Variants in FCRL6 observed in about 807,000 individuals in gnomAD.
The protein encoded by FCRL6 is Fc receptor-like protein 6.
A neutral mutation model predicts 49.1 loss-of-function variants in FCRL6; 50 were observed. The ratio of observed to expected loss-of-function variants is 1.02; its 90% CI spans 0.81 to 1.29. The LOEUF is 1.29. Ranked by LOEUF, FCRL6 falls within the 50% of genes most tolerant of loss-of-function variation. The pLI is 0.00. For missense variants in FCRL6, 571 were observed against 518.5 expected (o/e 1.10, Z -0.98); for synonymous variants, 213 against 199.6 (o/e 1.07, Z -0.57).
chr1:159,809,894 A>T (rs1340290768), intron 5 of FCRL6, among the ~76,000 whole-genome samples, 200 bp from the exon 6 acceptor site: 1 of 151,664 alleles, frequency 6.6e-6, no homozygotes, highest in Non-Finnish European at 1.5e-5. Context: ...TCACGGGGGG[A>T]GCAGTCACGT....
Position 159,808,609 on chromosome 1 carries a change from C to CA in FCRL6, c.319+165_319+166insA, listed in dbSNP as rs1557874043. On this transcript the variant is annotated intron_variant, in intron 3 of 9. Coordinates refer to ENST00000368106, the MANE Select transcript of FCRL6 (RefSeq NM_001004310.3). ...CCCAAGATGTTGTCTCAATACCCCCCTCTCCCCACCATGGGGGACACATGT... is the reference window on the plus strand; with the variant it reads ...CCCAAGATGTTGTCTCAATACCCCCCATCTCCCCACCATGGGGGACACATGT... The CA allele has an allele frequency of 5.5e-6, 4 of 723,962 alleles. No homozygotes were observed. In the African/African-American group the frequency reaches 7.1e-5, roughly 13 times the overall value. 44.8% of individuals were successfully genotyped at this position (723,962 alleles called of 1,614,324 possible). A position where few individuals can be genotyped will look rare whatever the true frequency, so the allele number is the denominator to read the frequency against.
intron 4 of FCRL6, 78 bp from the exon 5 acceptor site, chr1:159,809,324 G>A (rs111638798): frequency 5.2e-6 from 8 of 1,527,798 alleles, no homozygotes; most frequent in Middle Eastern, 2.3e-4. Flanking sequence ...AAAGGAGTTG[G>A]GGGAAGGGTC....
chr1:159,812,894 A>G (rs6672434), intron 6 of FCRL6, among the ~76,000 whole-genome samples: 35,511 of 152,154 alleles, frequency 0.23, 4,567 homozygotes, highest in African/African-American at 0.34. Context: ...GCATGCTAGT[A>G]GAGAAAAGGC....
intron 1 of FCRL6, among the ~76,000 whole-genome samples, chr1:159,805,479 C>T (rs958474348): frequency 2.0e-5 from 3 of 152,142 alleles, no homozygotes; most frequent in African/African-American, 7.2e-5. Context: ...TTCATTGTTT[C>T]ACACCTTGCC....
chr1:159,800,759 C>G, upstream of FCRL6: 1 of 703,924 alleles, frequency 1.4e-6, no homozygotes, highest in Non-Finnish European at 2.5e-6. Context: ...GGCAAGAAAA[C>G]TTAGAAAATT....
rs533632355 is a variant in FCRL6, at chr1:159,813,567, A to C, written c.1075+13A>C. ...CTATATGCCAACGGTAAGGACTTCC[A>C]GCAGGATGGTGGTGTGCCCATGTGG... On this transcript the variant is annotated intron_variant, in intron 7 of 9. Coordinates refer to ENST00000368106, the MANE Select transcript of FCRL6 (RefSeq NM_001004310.3). The C allele has an allele frequency of 6.2e-7, 1 of 1,613,056 alleles. No homozygotes were observed. The highest frequency in any genetic ancestry group is 1.3e-5 in the African/African-American group (1 of 75,050).
chr1:159,809,709 T>C (rs1662975967), intron 5 of FCRL6, 26 bp downstream of exon 5: 1 of 1,605,054 alleles, frequency 6.2e-7, no homozygotes, highest in Admixed American at 1.7e-5. Context: ...CAACAGAGCT[T>C]TGAGCCCCAG....
rs377578549 is a variant in FCRL6 at position 159,806,533 on chromosome 1, G to T, written c.32-63G>T. On this transcript the variant is annotated intron_variant, in intron 1 of 9. Coordinates refer to ENST00000368106, the MANE Select transcript of FCRL6 (RefSeq NM_001004310.3). The stretch of plus-strand genomic sequence containing the variant: ...TAAGTCCCCATTGCTGAAGTGACAG[G>T]CCTCCTTGTCAGAAAGCTCTTTTTG... 266 of 1,464,070 alleles carry T rather than the reference G, an allele frequency of 1.8e-4. No homozygotes were observed. In the African/African-American group the frequency reaches 3.2e-3, roughly 18 times the overall value. 90.7% of individuals were successfully genotyped at this position (1,464,070 alleles called of 1,614,324 possible). A position where few individuals can be genotyped will look rare whatever the true frequency, so the allele number is the denominator to read the frequency against.
chr1:159,815,488 C>T, intron 9 of FCRL6, 29 bp downstream of exon 9: 1 of 1,614,138 alleles, frequency 6.2e-7, no homozygotes, highest in Non-Finnish European at 8.5e-7. Flanking sequence ...TCCTTTCTCA[C>T]CCTCTCTCTT....
At chr1:159,802,290 T>C, upstream of FCRL6, 1 of 729,982 alleles carries the variant, frequency 1.4e-6, no homozygotes, top group Non-Finnish European at 2.3e-6. Flanking sequence ...ACTTCCTATT[T>C]TGGCTATCAA....
upstream of FCRL6, chr1:159,800,721 C>G (rs372952986): frequency 3.3e-6 from 3 of 913,770 alleles, no homozygotes; most frequent in Non-Finnish European, 5.3e-6. Flanking sequence ...AAATTAGTTT[C>G]CCACTTCCAC....
rs975531054 is a variant in FCRL6, at chr1:159,802,466, G to A, written c.31+11G>A. The A allele has an allele frequency of 8.1e-6, 13 of 1,612,238 alleles. No homozygotes were observed. The Admixed American group carries it at 1.3e-4, about 17-fold the overall frequency. ...CTGTGCTGCTCTTTGGTAAGTCAAC[G>A]AGCATGGGCATCCCCTCTTGGAGCA... On this transcript the variant is annotated intron_variant, in intron 1 of 9. Coordinates refer to ENST00000368106, the MANE Select transcript of FCRL6 (RefSeq NM_001004310.3).
intron 1 of FCRL6, among the ~76,000 whole-genome samples, chr1:159,806,356 G>A (rs976627187): frequency 6.6e-6 from 1 of 150,474 alleles, no homozygotes; most frequent in African/African-American, 2.5e-5. Context: ...GTGGTTGGGT[G>A]GTTGGGTGGT....
chr1:159,804,849 T>G (rs1034245943), intron 1 of FCRL6, among the ~76,000 whole-genome samples: 2 of 152,196 alleles, frequency 1.3e-5, no homozygotes, highest in Non-Finnish European at 2.9e-5. Flanking sequence ...AAGGAAGACA[T>G]AACTACAGAG....
At chr1:159,806,079 T>G (rs530784439) in intron 1 of FCRL6, among the ~76,000 whole-genome samples, 1 of 152,280 alleles carries the variant, frequency 6.6e-6, no homozygotes, top group East Asian at 1.9e-4. Context: ...ATGAGTAAAA[T>G]AAGCAGAGTC....
In FCRL6 at chr1:159,810,084, C is replaced by G. The variant is rs1249481459; in HGVS notation, c.887-10C>G. On this transcript the variant is annotated splice_polypyrimidine_tract_variant and intron_variant, in intron 5 of 9. Coordinates refer to ENST00000368106, the MANE Select transcript of FCRL6 (RefSeq NM_001004310.3). ...AGTGCTCATGGCCACCTTCTTCTCC[C>G]TGCTCCCAGGTTCTCAAGTCTTGTT... 6.2e-7 allele frequency: 1 copy of G among 1,608,166 alleles called. No individual in the cohort carries two copies. The highest frequency in any genetic ancestry group is 8.5e-7 in the Non-Finnish European group (1 of 1,178,052).
At chr1:159,808,678 G>C in intron 3 of FCRL6, 1 of 620,962 alleles carries the variant, frequency 1.6e-6, no homozygotes, top group South Asian at 2.0e-5. Context: ...GGGGGCACTG[G>C]GAAGACCCTG....
chr1:159,806,419 G>C (rs139662953), intron 1 of FCRL6, among the ~76,000 whole-genome samples, 177 bp from the exon 2 acceptor site: 17 of 152,020 alleles, frequency 1.1e-4, no homozygotes, highest in Middle Eastern at 3.4e-3. Flanking sequence ...GTTGTTTGGT[G>C]GTTGAGTGGT....
At chr1:159,808,483 C>T in intron 3 of FCRL6, 39 bp downstream of exon 3, 2 of 1,612,702 alleles carry the variant, frequency 1.2e-6, no homozygotes, top group South Asian at 2.2e-5. Context: ...GCAGGAGGTG[C>T]TGCTCAAGGG....
Sources: gnomAD v4.1 joint callset for allele counts (sites outside exome capture counted in the v4.1 genomes callset) on GRCh38, gnomAD v4.1.1 for gene constraint, MANE v1.5 for transcripts, NCBI Gene and HGNC (gene_info 2026-07-23, HGNC 2026-07-21) for gene names.